RGS6: variants seen among roughly 807,000 people sequenced by gnomAD.
The protein encoded by RGS6 is regulator of G protein signaling 6.
Under a neutral mutation model 78.5 loss-of-function variants are expected in RGS6, and 30 were observed. The ratio of observed to expected loss-of-function variants is 0.38; its 90% CI spans 0.29 to 0.52. The LOEUF is 0.52. Ranked by LOEUF, RGS6 falls within the 20% of genes least tolerant of loss-of-function variation. The probability of loss-of-function intolerance (pLI) is 0.85; values close to 1 mark genes in which losing one functional copy is unlikely to be tolerated. For missense variants in RGS6, 495 were observed against 609.7 expected, an observed-to-expected ratio of 0.81 and a Z score of 1.98; for synonymous variants, 206 against 206.0, an observed-to-expected ratio of 1.00 and a Z score of 0.00.
At chr14:71,919,735 T>A in the RGS6 span, among the ~76,000 whole-genome samples, 3 of 152,182 alleles carry the variant, frequency 2.0e-5, no homozygotes, top group Non-Finnish European at 4.4e-5. Context: ...GGCTCACACC[T>A]GTAAGCCTGG....
At chr14:71,964,925 G>A (rs2153051438) in intron 2 of RGS6, 50 bp downstream of exon 2, 2 of 1,440,490 alleles carry the variant, frequency 1.4e-6, no homozygotes, top group Non-Finnish European at 1.9e-6. Context: ...GGACTGTTGT[G>A]TTCTGTGTAG....
intron 2 of RGS6, among the ~76,000 whole-genome samples, chr14:72,166,746 T>G (rs527272082): frequency 6.6e-6 from 1 of 152,338 alleles, no homozygotes; most frequent in East Asian, 1.9e-4. Context: ...TATAGACCTA[T>G]TGATCTCAGA....
chr14:72,037,018 G>A (rs530575125), intron 2 of RGS6, among the ~76,000 whole-genome samples: 9 of 152,250 alleles, frequency 5.9e-5, no homozygotes, highest in Admixed American at 2.6e-4. Context: ...TCTAGCTGAA[G>A]GATTGTAAAT....
At chr14:72,352,356 G>A (rs572389595) in intron 3 of RGS6, among the ~76,000 whole-genome samples, 162 bp downstream of exon 3, 2 of 152,312 alleles carry the variant, frequency 1.3e-5, no homozygotes, top group African/African-American at 4.8e-5. Flanking sequence ...TTTCCAGGAA[G>A]AAGCTACTTG....
intron 8 of RGS6, among the ~76,000 whole-genome samples, chr14:72,470,881 A>C (rs2096060553): frequency 3.8e-5 from 1 of 26,430 alleles, no homozygotes; most frequent in Non-Finnish European, 1.1e-4. Context: ...CTCCCTCTCA[A>C]AAAAAAAAAA....
intron 2 of RGS6, among the ~76,000 whole-genome samples, chr14:72,147,869 T>C (rs185013371): frequency 2.1e-3 from 326 of 152,226 alleles, no homozygotes; most frequent in South Asian, 2.7e-3. Flanking sequence ...CAGTGGCTCA[T>C]GCCTGTAATC....
intron 2 of RGS6, among the ~76,000 whole-genome samples, chr14:72,190,211 A>G (rs2097305020): frequency 6.6e-6 from 1 of 152,188 alleles, no homozygotes; most frequent in Non-Finnish European, 1.5e-5. Flanking sequence ...TAGGGAGGGA[A>G]GCACAAGGAA....
intron 1 of RGS6, among the ~76,000 whole-genome samples, chr14:71,934,184 C>A (rs111502791): frequency 8.5e-5 from 13 of 152,092 alleles, no homozygotes; most frequent in South Asian, 2.1e-4. Flanking sequence ...GAGAGAGAAA[C>A]CTTTGCAAGC....
At chr14:72,477,756 C>G (rs1315740425) in intron 11 of RGS6, among the ~76,000 whole-genome samples, 1 of 149,336 alleles carries the variant, frequency 6.7e-6, no homozygotes, top group Non-Finnish European at 1.5e-5. Context: ...GAGATCATGC[C>G]GCTGCACTCC....
intron 15 of RGS6, among the ~76,000 whole-genome samples, chr14:72,524,202 C>T (rs973457767): frequency 6.6e-6 from 1 of 152,024 alleles, no homozygotes; most frequent in Non-Finnish European, 1.5e-5. Flanking sequence ...GGAAAAAATG[C>T]CAGAAAAGGA....
chr14:72,372,002 C>T (rs1365795926), intron 3 of RGS6, among the ~76,000 whole-genome samples: 1 of 152,096 alleles, frequency 6.6e-6, no homozygotes, highest in Non-Finnish European at 1.5e-5. Flanking sequence ...TGGGAAGACC[C>T]TAACAAAATC....
intron 14 of RGS6, among the ~76,000 whole-genome samples, chr14:72,514,430 G>A (rs1274035116): frequency 6.6e-6 from 1 of 152,212 alleles, no homozygotes; most frequent in Non-Finnish European, 1.5e-5. Context: ...TACCCAGCCA[G>A]CCTTGAGAAA....
intron 15 of RGS6, among the ~76,000 whole-genome samples, chr14:72,535,437 A>G (rs1413361660): frequency 1.3e-5 from 2 of 152,210 alleles, no homozygotes; most frequent in African/African-American, 2.4e-5. Context: ...TGCAGTTATA[A>G]GAAATACTGT....
At chr14:72,418,297 G>A (rs2093963683) in intron 3 of RGS6, among the ~76,000 whole-genome samples, 1 of 151,896 alleles carries the variant, frequency 6.6e-6, no homozygotes, top group South Asian at 2.1e-4. Flanking sequence ...TTCCCAAGTA[G>A]CTGGGATAAC....
At chr14:72,263,163 C>G (rs79489701) in intron 2 of RGS6, among the ~76,000 whole-genome samples, 3 of 152,238 alleles carry the variant, frequency 2.0e-5, no homozygotes, top group African/African-American at 7.2e-5. Flanking sequence ...TGTCCACAGT[C>G]TTCCCCTTCT....
chr14:71,909,659 C>A, the RGS6 span, among the ~76,000 whole-genome samples: 3 of 151,886 alleles, frequency 2.0e-5, no homozygotes, highest in Admixed American at 2.0e-4. Flanking sequence ...GGACTCCAGT[C>A]TCTATTCAAG....
chr14:72,540,522 G>C, intron 17 of RGS6: 1 of 1,568,608 alleles, frequency 6.4e-7, no homozygotes. Flanking sequence ...ATTTCCCTCT[G>C]TGAACCCTGG....
At chr14:72,129,021 C>T (rs1453087549) in intron 2 of RGS6, among the ~76,000 whole-genome samples, 1 of 152,146 alleles carries the variant, frequency 6.6e-6, no homozygotes, top group Non-Finnish European at 1.5e-5. Context: ...GGTGTAAAGC[C>T]TCTTAAAAAT....
Position 72,127,337 on chromosome 14 carries a change from T to C in RGS6, c.84+162462T>C, listed in dbSNP as rs17768804. On this transcript the variant is annotated intron_variant, in intron 2 of 17. Coordinates refer to ENST00000553525, the MANE Select transcript of RGS6 (RefSeq NM_001204424.2). ...GAAATTAGTATGTAAAGGAGCACTT[T>C]GTTTACTGCACTAAATCTTTGTCTC... is the stretch of plus-strand genomic sequence containing the variant. Among the ~76,000 whole-genome samples the C allele has an allele frequency of 7.0e-3, 1,065 of 152,362 alleles. 25 individuals are homozygous for C. Among genetic ancestry groups the C allele is most frequent in the Admixed American group, 0.054 (831 of 15,294 alleles).
Sources: allele counts gnomAD v4.1 joint callset (sites outside exome capture counted in the v4.1 genomes callset), GRCh38; gene constraint gnomAD v4.1.1; transcripts MANE v1.5; gene names NCBI Gene and HGNC (gene_info 2026-07-23, HGNC 2026-07-21).